The following CSMD1 variants were observed in gnomAD, a reference collection of about 807,000 sequenced individuals.
The protein encoded by CSMD1 is CUB and Sushi multiple domains 1, also known as CUB and sushi domain-containing protein 1.
A neutral mutation model predicts 417.5 loss-of-function variants in CSMD1; 213 were observed. The ratio of observed to expected loss-of-function variants is 0.51; its 90% CI spans 0.46 to 0.57. The LOEUF is 0.57. Ranked by LOEUF, CSMD1 falls within the 20% of genes least tolerant of loss-of-function variation. The pLI, the probability that CSMD1 is intolerant of heterozygous loss-of-function variation, is 0.00. For missense variants in CSMD1, 6,923 were observed against 4,529.7 expected (o/e 1.53, Z -15.17); for synonymous variants, 2,862 against 1,736.8 (o/e 1.65, Z -16.11).
intron 5 of CSMD1, among the ~76,000 whole-genome samples, chr8:3,879,171 G>C (rs991510128): frequency 6.6e-6 from 1 of 152,054 alleles, no homozygotes; most frequent in South Asian, 2.1e-4. Context: ...GGAGCAGGTG[G>C]TGGTTTATTA....
At chr8:4,251,255 G>A (rs574739813) in intron 3 of CSMD1, among the ~76,000 whole-genome samples, 73 of 152,152 alleles carry the variant, frequency 4.8e-4, no homozygotes, top group Middle Eastern at 3.4e-3. Context: ...CCAATCACAT[G>A]GGTATATGGA....
rs569049600 is a variant in CSMD1, at chr8:4,449,518, T to C, written c.303-29453A>G. On this transcript the variant is annotated intron_variant, in intron 2 of 69. Coordinates refer to ENST00000635120, the MANE Select transcript of CSMD1 (RefSeq NM_033225.6). Reference sequence around the variant, plus strand: ...GAAGTTACTTGTCATTTTTTGTCTTTAGGCTGTGTCTGTGAGTCACAGGAA... The same window carrying C: ...GAAGTTACTTGTCATTTTTTGTCTTCAGGCTGTGTCTGTGAGTCACAGGAA... Among the ~76,000 whole-genome samples, 3 of 152,318 alleles carry C rather than the reference T, an allele frequency of 2.0e-5. No homozygotes were observed. The South Asian group carries it at 6.2e-4, about 32-fold the overall frequency.
At chr8:4,200,808 T>C (rs1027497053) in intron 3 of CSMD1, among the ~76,000 whole-genome samples, 3 of 152,180 alleles carry the variant, frequency 2.0e-5, no homozygotes, top group African/African-American at 4.8e-5. Context: ...CAGTGAACTA[T>C]TGTTAGGCCA....
chr8:4,861,333 A>G (rs1050291610), intron 1 of CSMD1, among the ~76,000 whole-genome samples: 3 of 152,114 alleles, frequency 2.0e-5, no homozygotes, highest in African/African-American at 7.2e-5. Context: ...AAAAATGTGA[A>G]GCTTGACATT....
chr8:3,835,037 A>T (rs1802596747), intron 5 of CSMD1, among the ~76,000 whole-genome samples: 1 of 152,082 alleles, frequency 6.6e-6, no homozygotes, highest in African/African-American at 2.4e-5. Flanking sequence ...CCCACCAGTT[A>T]GAATGGCGAT....
At chr8:4,060,480 G>A (rs1048118534) in intron 3 of CSMD1, among the ~76,000 whole-genome samples, 1 of 152,168 alleles carries the variant, frequency 6.6e-6, no homozygotes, top group African/African-American at 2.4e-5. Context: ...TATTATTTGA[G>A]AAGGAAGGAG....
chr8:4,625,012 C>T (rs981702936), intron 2 of CSMD1, among the ~76,000 whole-genome samples: 4 of 152,008 alleles, frequency 2.6e-5, no homozygotes, highest in African/African-American at 4.8e-5. Flanking sequence ...GCGTGCTTGC[C>T]GCTTATACCA....
At chr8:3,629,113 A>G (rs1796644395) in intron 7 of CSMD1, among the ~76,000 whole-genome samples, 1 of 152,124 alleles carries the variant, frequency 6.6e-6, no homozygotes, top group Non-Finnish European at 1.5e-5. Flanking sequence ...TGTGCAGAGG[A>G]GACACCTCAG....
chr8:4,275,228 A>AT (rs1247825435), intron 3 of CSMD1, among the ~76,000 whole-genome samples: 2 of 151,836 alleles, frequency 1.3e-5, no homozygotes, highest in African/African-American at 2.4e-5. Context: ...GTTTTTATTG[A>AT]TTTTTTTACA....
intron 50 of CSMD1, among the ~76,000 whole-genome samples, chr8:3,046,799 C>A (rs763745173): frequency 1.3e-5 from 2 of 152,202 alleles, no homozygotes; most frequent in African/African-American, 4.8e-5. Context: ...ATGGCAAATT[C>A]TTTGATACCT....
chr8:3,495,845 T>C (rs1040966135), intron 10 of CSMD1, among the ~76,000 whole-genome samples: 13 of 152,200 alleles, frequency 8.5e-5, no homozygotes, highest in African/African-American at 3.1e-4. Context: ...ATGTCTTGCA[T>C]GGACTCCCTC....
At position 4,989,385 on chromosome 8, in the gene CSMD1, C is replaced by T. The variant is rs543781146; in HGVS notation, c.85+4947G>A. 4.6e-5 allele frequency among the ~76,000 whole-genome samples: 7 copies of T among 152,330 alleles called. 1 individual carries two copies. The highest frequency in any genetic ancestry group is 1.7e-4 in the African/African-American group (7 of 41,574). On this transcript the variant is annotated intron_variant, in intron 1 of 69. Transcript: ENST00000635120. ...GTCTCTTAGTCCAAGTTCCTACTTT[C>T]CTATCCTAGGAGACAACAGGCTGGT...
rs34335386 is a variant in CSMD1, at chr8:4,154,811, A to G, written c.416-122712T>C. Among the ~76,000 whole-genome samples, 1,303 of 152,184 alleles carry G rather than the reference A, an allele frequency of 8.6e-3. 10 individuals are homozygous for G. Among genetic ancestry groups the G allele is most frequent in the Non-Finnish European group, 0.015 (1,003 of 68,034 alleles). The stretch of plus-strand genomic sequence containing the variant: ...AAATAAGAGAAAGACTGAATGTTGG[A>G]AAGAGAGGCACGATTATAAATTAGT... On this transcript the variant is annotated intron_variant, in intron 3 of 69. Transcript: ENST00000635120.
rs73661122 is a variant in CSMD1, at chr8:4,772,766, A to G, written c.86-135208T>C. On this transcript the variant is annotated intron_variant, in intron 1 of 69. Coordinates refer to ENST00000635120, the MANE Select transcript of CSMD1 (RefSeq NM_033225.6). ...CAGATCCCGGAAGAACCTCTTGGCT[A>G]ACAGATCAGTCTTCCAGGGCTTAAG... 5.6e-3 allele frequency among the ~76,000 whole-genome samples: 854 copies of G among 152,312 alleles called. 2 individuals carry two copies. The highest frequency in any genetic ancestry group is 0.02 in the African/African-American group (826 of 41,564).
chr8:3,188,018 T>A, intron 35 of CSMD1, 53 bp from the exon 36 acceptor site: 1 of 1,415,150 alleles, frequency 7.1e-7, no homozygotes, highest in Non-Finnish European at 9.8e-7. Context: ...ACACAATTAG[T>A]CTAATTAGAT....
At chr8:4,529,233 C>A (rs1351468069) in intron 2 of CSMD1, among the ~76,000 whole-genome samples, 1 of 152,090 alleles carries the variant, frequency 6.6e-6, no homozygotes, top group African/African-American at 2.4e-5. Flanking sequence ...AGTCACTTGT[C>A]CCTTTCTTAT....
At position 4,766,774 on chromosome 8, in the gene CSMD1, G is replaced by A. The variant is rs554635808; in HGVS notation, c.86-129216C>T. On this transcript the variant is annotated intron_variant, in intron 1 of 69. Transcript: ENST00000635120. Reference sequence around the variant, plus strand: ...ACGCCTGATTTATGAAGGTTTGTACGCACAATGAGAGTTGGATTCTACATA... The same window carrying A: ...ACGCCTGATTTATGAAGGTTTGTACACACAATGAGAGTTGGATTCTACATA... Among the ~76,000 whole-genome samples the A allele has an allele frequency of 7.2e-5, 11 of 152,256 alleles. No homozygotes were observed. The South Asian group carries it at 1.0e-3, about 14-fold the overall frequency.
At chr8:4,360,610 C>A (rs1801696828) in intron 3 of CSMD1, among the ~76,000 whole-genome samples, 2 of 151,906 alleles carry the variant, frequency 1.3e-5, no homozygotes, top group South Asian at 2.1e-4. Flanking sequence ...CTGCCTCAGC[C>A]TCCAGAGTAG....
At chr8:3,378,055 A>G (rs1810419261) in intron 18 of CSMD1, among the ~76,000 whole-genome samples, 1 of 152,204 alleles carries the variant, frequency 6.6e-6, no homozygotes, top group African/African-American at 2.4e-5. Flanking sequence ...TGATTTAAAT[A>G]ATGCAACATG....
Sources: allele counts gnomAD v4.1 joint callset (sites outside exome capture counted in the v4.1 genomes callset), GRCh38; gene constraint gnomAD v4.1.1; transcripts MANE v1.5; gene names NCBI Gene and HGNC (gene_info 2026-07-23, HGNC 2026-07-21).